Variants in B3GALT1 observed in about 807,000 individuals in gnomAD.
The protein encoded by B3GALT1 is UDP-Gal:betaGlcNAc beta 1,3-galactosyltransferase, polypeptide 1.
A neutral mutation model predicts 23.2 loss-of-function variants in B3GALT1; 10 were observed. That is an observed-to-expected ratio of 0.43 (90% CI 0.27 to 0.73). The LOEUF is 0.73. Among genes scored for constraint, B3GALT1 ranks in the 30% least tolerant of loss-of-function variants. The pLI, the probability that B3GALT1 is intolerant of heterozygous loss-of-function variation, is 0.21. For missense variants in B3GALT1, 299 were observed against 405.4 expected (o/e 0.74, Z 2.25); for synonymous variants, 156 against 141.5 (o/e 1.10, Z -0.73).
At chr2:167,505,954 G>A (rs1307210723) in intron 2 of B3GALT1, among the ~76,000 whole-genome samples, 4 of 152,064 alleles carry the variant, frequency 2.6e-5, no homozygotes, top group Admixed American at 1.3e-4. Flanking sequence ...CGGCTACTTG[G>A]GAGGCTGAGG....
chr2:167,298,303 A>G (rs1696389796), intron 1 of B3GALT1, among the ~76,000 whole-genome samples: 1 of 152,160 alleles, frequency 6.6e-6, no homozygotes, highest in African/African-American at 2.4e-5. Flanking sequence ...CTATTTGTTA[A>G]CGATGAAGTA....
At chr2:167,313,634 C>T (rs1348701101) in intron 1 of B3GALT1, among the ~76,000 whole-genome samples, 1 of 152,082 alleles carries the variant, frequency 6.6e-6, no homozygotes, top group African/African-American at 2.4e-5. Context: ...AAAACCAGTT[C>T]TCAGCCCAGT....
chr2:167,524,519 CAATT>C (rs1237268731), intron 2 of B3GALT1, among the ~76,000 whole-genome samples: 2 of 152,114 alleles, frequency 1.3e-5, no homozygotes, highest in Non-Finnish European at 2.9e-5. Flanking sequence ...AATGTCAACT[CAATT>C]GATTATCTTG....
chr2:167,715,677 T>C, intron 3 of B3GALT1: 6 of 1,613,526 alleles, frequency 3.7e-6, no homozygotes, highest in Admixed American at 1.7e-5. Context: ...TTTTCACAGG[T>C]TGCCTCCAAA....
At chr2:167,315,859 T>C (rs1200255221) in intron 1 of B3GALT1, among the ~76,000 whole-genome samples, 1 of 152,186 alleles carries the variant, frequency 6.6e-6, no homozygotes, top group Non-Finnish European at 1.5e-5. Context: ...TATAATAGGA[T>C]ATGTTTTGAA....
At chr2:167,422,369 G>T (rs990461814) in intron 1 of B3GALT1, among the ~76,000 whole-genome samples, 1 of 152,118 alleles carries the variant, frequency 6.6e-6, no homozygotes, top group African/African-American at 2.4e-5. Flanking sequence ...CTAGCCTCCA[G>T]AACTATGAGC....
At chr2:167,402,757 G>A (rs970288661) in intron 1 of B3GALT1, among the ~76,000 whole-genome samples, 1 of 152,096 alleles carries the variant, frequency 6.6e-6, no homozygotes, top group Non-Finnish European at 1.5e-5. Flanking sequence ...GAAGTGACCA[G>A]ACTTTTGTGA....
At chr2:167,675,913 C>T (rs1481256669) in intron 3 of B3GALT1, among the ~76,000 whole-genome samples, 1 of 151,106 alleles carries the variant, frequency 6.6e-6, no homozygotes, top group Non-Finnish European at 1.5e-5. Context: ...CCACTGAATG[C>T]CAGTAGCACC....
intron 2 of B3GALT1, among the ~76,000 whole-genome samples, chr2:167,516,736 G>A (rs1434993793): frequency 1.3e-5 from 2 of 151,896 alleles, no homozygotes; most frequent in African/African-American, 2.4e-5. Context: ...TTTTGTTGTT[G>A]TTGCTATGTT....
intron 2 of B3GALT1, among the ~76,000 whole-genome samples, chr2:167,602,960 C>T (rs374652182): frequency 1.8e-4 from 27 of 152,164 alleles, no homozygotes; most frequent in Admixed American, 8.5e-4. Flanking sequence ...CCCTGCACTA[C>T]ATCCACATGA....
intron 1 of B3GALT1, among the ~76,000 whole-genome samples, chr2:167,304,648 GGAGA>G (rs144146057): frequency 6.6e-6 from 1 of 151,506 alleles, no homozygotes; most frequent in Non-Finnish European, 1.5e-5. Flanking sequence ...GACAGAGAGA[GGAGA>G]GAGAGAGAGA....
intron 2 of B3GALT1, among the ~76,000 whole-genome samples, chr2:167,513,939 C>T (rs1700065251): frequency 1.3e-5 from 2 of 152,106 alleles, no homozygotes; most frequent in Admixed American, 6.6e-5. Flanking sequence ...CAGAGTCTCT[C>T]TCTGTCACCC....
At chr2:167,610,730 T>C (rs1005609475) in intron 2 of B3GALT1, among the ~76,000 whole-genome samples, 1 of 151,878 alleles carries the variant, frequency 6.6e-6, no homozygotes, top group African/African-American at 2.4e-5. Context: ...CAGGTATCTG[T>C]GTTTGGAACA....
At chr2:167,569,353 C>G (rs747183119) in intron 2 of B3GALT1, among the ~76,000 whole-genome samples, 21 of 151,932 alleles carry the variant, frequency 1.4e-4, no homozygotes, top group Admixed American at 5.9e-4. Flanking sequence ...TCCATTTATT[C>G]CTTCTCCTTA....
intron 4 of B3GALT1, among the ~76,000 whole-genome samples, chr2:167,849,467 A>G (rs1264140044): frequency 6.6e-6 from 1 of 152,230 alleles, no homozygotes; most frequent in African/African-American, 2.4e-5. Flanking sequence ...GCAAACAAAA[A>G]TATGAAGTGA....
intron 1 of B3GALT1, among the ~76,000 whole-genome samples, chr2:167,482,496 C>G (rs189690328): frequency 2.0e-5 from 3 of 152,170 alleles, no homozygotes. Flanking sequence ...TCACCTCCTC[C>G]AGGCCATTGT....
intron 1 of B3GALT1, among the ~76,000 whole-genome samples, chr2:167,373,947 A>T (rs1432449211): frequency 6.6e-6 from 1 of 152,144 alleles, no homozygotes. Flanking sequence ...GGTGCAAATT[A>T]TCCCGTCACC....
chr2:167,502,866 C>T (rs771118401), intron 2 of B3GALT1, among the ~76,000 whole-genome samples: 45 of 152,154 alleles, frequency 3.0e-4, no homozygotes, highest in Admixed American at 2.2e-3. Context: ...TGGTGAAACC[C>T]GGTCTCTACT....
intron 3 of B3GALT1, among the ~76,000 whole-genome samples, chr2:167,690,706 T>G (rs1025163524): frequency 6.6e-5 from 10 of 152,176 alleles, no homozygotes; most frequent in African/African-American, 2.4e-4. Flanking sequence ...GCTGCAATTG[T>G]GTTTCAAAGA....
Sources: gnomAD v4.1 joint callset for allele counts (sites outside exome capture counted in the v4.1 genomes callset) on GRCh38, gnomAD v4.1.1 for gene constraint, MANE v1.5 for transcripts, NCBI Gene and HGNC (gene_info 2026-07-23, HGNC 2026-07-21) for gene names.